The following ABAT variants were observed in gnomAD, a reference collection of about 807,000 sequenced individuals.
The protein encoded by ABAT is 4-aminobutyrate aminotransferase.
Under a neutral mutation model 64.6 loss-of-function variants are expected in ABAT, and 45 were observed. The observed-to-expected ratio is 0.70, with a 90% CI of 0.55 to 0.89. The LOEUF is 0.89. Among genes scored for constraint, ABAT ranks in the 40% least tolerant of loss-of-function variants. ABAT has a pLI of 0.00. For synonymous variants in ABAT, 297 were observed against 250.5 expected, an observed-to-expected ratio of 1.19 and a Z score of -1.75; for missense variants, 633 against 658.4, an observed-to-expected ratio of 0.96 and a Z score of 0.42.
chr16:8,733,987 G>T (rs949131868), intron 1 of ABAT, among the ~76,000 whole-genome samples: 1 of 152,104 alleles, frequency 6.6e-6, no homozygotes, highest in Non-Finnish European at 1.5e-5. Context: ...TTTTAAGGCT[G>T]CATAATATTC....
intron 1 of ABAT, among the ~76,000 whole-genome samples, chr16:8,698,432 C>G (rs1333254461): frequency 1.3e-5 from 2 of 152,018 alleles, no homozygotes; most frequent in African/African-American, 4.8e-5. Flanking sequence ...CTCCTGGGTT[C>G]AAGTGATTCT....
At chr16:8,710,573 CA>C (rs1567279111) in intron 1 of ABAT, among the ~76,000 whole-genome samples, 1 of 151,602 alleles carries the variant, frequency 6.6e-6, no homozygotes. Flanking sequence ...CCCGTCTCTA[CA>C]AAAAAATAAA....
intron 1 of ABAT, among the ~76,000 whole-genome samples, chr16:8,698,160 T>A (rs778325436): frequency 6.6e-6 from 1 of 152,192 alleles, no homozygotes; most frequent in Non-Finnish European, 1.5e-5. Context: ...AGGACTGTAC[T>A]CTCTCTGATG....
intron 1 of ABAT, chr16:8,713,496 T>C (rs2058125334): frequency 4.8e-6 from 1 of 207,312 alleles, no homozygotes; most frequent in Admixed American, 5.3e-5. Flanking sequence ...TGTAGTTGCA[T>C]CCTGTTTCTG....
intron 1 of ABAT, among the ~76,000 whole-genome samples, chr16:8,727,131 G>A (rs562560915): frequency 1.3e-5 from 2 of 152,148 alleles, no homozygotes; most frequent in African/African-American, 2.4e-5. Flanking sequence ...ATTTTCTCTT[G>A]TTCTGTGGGT....
chr16:8,730,190 T>C (rs568191955), intron 1 of ABAT, among the ~76,000 whole-genome samples: 1 of 152,314 alleles, frequency 6.6e-6, no homozygotes, highest in South Asian at 2.1e-4. Flanking sequence ...TACTTGATGA[T>C]GCTTAGAGGG....
At chr16:8,711,223 C>T (rs937081667) in intron 1 of ABAT, among the ~76,000 whole-genome samples, 4 of 152,254 alleles carry the variant, frequency 2.6e-5, no homozygotes, top group African/African-American at 9.6e-5. Flanking sequence ...TCCCCTGCAT[C>T]GTGAATATGG....
intron 1 of ABAT, among the ~76,000 whole-genome samples, chr16:8,699,358 G>A (rs2057770208): frequency 6.6e-6 from 1 of 152,106 alleles, no homozygotes; most frequent in Non-Finnish European, 1.5e-5. Context: ...CCTAAGGTCA[G>A]GAGTTCAAGA....
Position 8,696,041 on chromosome 16 carries a change from CT to C in ABAT, c.-42+21333del, listed in dbSNP as rs1239061526. On this transcript the variant is annotated intron_variant, in intron 1 of 15. Coordinates refer to ENST00000268251, the MANE Select transcript of ABAT (RefSeq NM_020686.6). ...GTGGATCCCGCTCCAAGGCAAGGAG[CT>C]TTCTTAGTTATTGAGCCAAAATCCG... Among the ~76,000 whole-genome samples, 3 of 152,210 alleles carry C rather than the reference CT, an allele frequency of 2.0e-5. No homozygotes were observed. The East Asian group carries it at 5.8e-4, about 29-fold the overall frequency.
chr16:8,782,599 T>C lies in ABAT; in HGVS notation c.*1169T>C, dbSNP rs541515059. On this transcript the variant is annotated 3_prime_UTR_variant, in exon 16 of 16. Transcript: ENST00000268251. The stretch of plus-strand genomic sequence containing the variant: ...ACTTGATCCTCCTGAAATGAGAGAT[T>C]TTCCTGAGATGACTGAGTATGGAGA... 5 of 152,354 alleles carry C rather than the reference T, an allele frequency of 3.3e-5. No individual in the cohort carries two copies. The highest frequency in any genetic ancestry group is 1.2e-4 in the African/African-American group (5 of 41,558). The allele number at this position is 152,354 out of a possible 1,614,324, so 9.4% of individuals were successfully genotyped here.
intron 1 of ABAT, among the ~76,000 whole-genome samples, chr16:8,729,934 G>A (rs1248339113): frequency 6.6e-6 from 1 of 152,090 alleles, no homozygotes; most frequent in African/African-American, 2.4e-5. Context: ...GGCCAGTAGG[G>A]CCAGGTCTAT....
intron 14 of ABAT, among the ~76,000 whole-genome samples, chr16:8,778,895 C>T (rs866140181): frequency 5.3e-5 from 8 of 152,134 alleles, no homozygotes; most frequent in African/African-American, 1.7e-4. Context: ...AAATTAGGTC[C>T]TAGTCATAGG....
intron 1 of ABAT, among the ~76,000 whole-genome samples, chr16:8,705,825 A>G (rs1240925770): frequency 6.6e-6 from 1 of 152,186 alleles, no homozygotes; most frequent in African/African-American, 2.4e-5. Context: ...GTCAGGTTTC[A>G]TAGTCCAAAT....
chr16:8,724,986 G>C (rs2058501577), intron 1 of ABAT, among the ~76,000 whole-genome samples: 1 of 150,126 alleles, frequency 6.7e-6, no homozygotes, highest in East Asian at 2.0e-4. Context: ...GCGCCATCTC[G>C]GCTCACCGCA....
chr16:8,679,325 C>G (rs941158524), intron 1 of ABAT, among the ~76,000 whole-genome samples: 2 of 152,142 alleles, frequency 1.3e-5, no homozygotes, highest in Non-Finnish European at 2.9e-5. Context: ...GAATCTGAGG[C>G]TCATCTCAGC....
Position 8,776,462 on chromosome 16 carries a change from C to T in ABAT, c.1241C>T (p.Ala414Val), listed in dbSNP as rs771801237. 1.2e-5 allele frequency: 19 copies of T among 1,614,044 alleles called. No individual in the cohort carries two copies. In the East Asian group the frequency reaches 3.1e-4, roughly 26 times the overall value. The change falls in exon 14 of 16, where the codon GCC becomes GTC. Residue 414 changes from alanine to valine, a missense_variant. Coordinates refer to ENST00000268251, the MANE Select transcript of ABAT (RefSeq NM_020686.6). This position sits in a 1 kb window ranked among gnomAD's most constrained non-coding sequence, Gnocchi z 4.4. ...LLNNAAHAGK[A>V]LLTGLLDLQA... is the part of the protein sequence containing the mutation. Reference sequence around the variant, plus strand: ...AATAATGCAGCCCATGCCGGGAAGGCCCTGCTCACAGGACTGCTGGACCTC... The same window carrying T: ...AATAATGCAGCCCATGCCGGGAAGGTCCTGCTCACAGGACTGCTGGACCTC...
intron 5 of ABAT, among the ~76,000 whole-genome samples, chr16:8,756,930 A>T (rs978212572): frequency 6.6e-6 from 1 of 152,172 alleles, no homozygotes; most frequent in Non-Finnish European, 1.5e-5. Flanking sequence ...TGGATGGTAA[A>T]TGCTGTAGGA....
intron 1 of ABAT, among the ~76,000 whole-genome samples, chr16:8,680,001 A>G (rs1025099809): frequency 6.6e-6 from 1 of 152,094 alleles, no homozygotes; most frequent in Non-Finnish European, 1.5e-5. Context: ...CCCTTCAATA[A>G]TAAGATTGAC....
At position 8,781,590 on chromosome 16, in the gene ABAT, A is replaced by C; in HGVS notation, c.*160A>C. 4 of 366,176 alleles carry C rather than the reference A, an allele frequency of 1.1e-5. No individual in the cohort carries two copies. The highest frequency in any genetic ancestry group is 1.9e-5 in the South Asian group (1 of 51,758). 22.7% of individuals were successfully genotyped at this position (366,176 alleles called of 1,614,324 possible). ...ATTTTTGGTGGTCTTGGGGGAGGGG[A>C]GGGGAGGGAAGGGCTGGTGTTGATT... On this transcript the variant is annotated 3_prime_UTR_variant, in exon 16 of 16. Coordinates refer to ENST00000268251, the MANE Select transcript of ABAT (RefSeq NM_020686.6). The surrounding 1 kb of genome is among the most constrained non-coding windows in gnomAD (Gnocchi z 4.5).
Sources: gnomAD v4.1 joint callset for allele counts (sites outside exome capture counted in the v4.1 genomes callset) on GRCh38, gnomAD v4.1.1 for gene constraint, Gnocchi (gnomAD v3.1) non-coding constraint, MANE v1.5 for transcripts, NCBI Gene and HGNC (gene_info 2026-07-23, HGNC 2026-07-21) for gene names.